The following EPS15 variants were observed in gnomAD, a reference collection of about 807,000 sequenced individuals.
EPS15 encodes epidermal growth factor receptor substrate 15.
Under a neutral mutation model 113.8 loss-of-function variants are expected in EPS15, and 72 were observed. The observed-to-expected ratio is 0.63, with a 90% CI of 0.52 to 0.77. The LOEUF (loss-of-function observed/expected upper bound fraction) is 0.77. Among genes scored for constraint, EPS15 ranks in the 30% least tolerant of loss-of-function variants. EPS15 has a pLI of 0.00. For synonymous variants in EPS15, 344 were observed against 363.4 expected, an observed-to-expected ratio of 0.95 and a Z score of 0.61; for missense variants, 1,048 against 1,045.8, an observed-to-expected ratio of 1.00 and a Z score of -0.03.
intron 21 of EPS15, among the ~76,000 whole-genome samples, chr1:51,368,519 C>CTATG (rs1646560882): frequency 6.6e-6 from 1 of 152,104 alleles, no homozygotes; most frequent in Non-Finnish European, 1.5e-5. Context: ...AATCCTCAGC[C>CTATG]TAGGGCCCAG....
chr1:51,506,823 G>C (rs1317865409), intron 1 of EPS15, among the ~76,000 whole-genome samples: 1 of 148,110 alleles, frequency 6.8e-6, no homozygotes, highest in Non-Finnish European at 1.5e-5. Flanking sequence ...AGAATGTAGA[G>C]AACAAACTAA....
At chr1:51,495,540 A>C (rs535618305) in intron 1 of EPS15, among the ~76,000 whole-genome samples, 33 of 152,162 alleles carry the variant, frequency 2.2e-4, no homozygotes, top group African/African-American at 7.5e-4. Flanking sequence ...TGCCCATACA[A>C]ATTTTTCAAA....
intron 21 of EPS15, chr1:51,372,557 A>T (rs769211746): frequency 1.9e-6 from 1 of 527,400 alleles, no homozygotes; most frequent in Non-Finnish European, 3.8e-6. Context: ...CACAGGCCCT[A>T]AACTACACAA....
intron 21 of EPS15, among the ~76,000 whole-genome samples, chr1:51,388,397 C>A (rs897005390): frequency 5.3e-5 from 8 of 152,104 alleles, no homozygotes; most frequent in Non-Finnish European, 1.2e-4. Flanking sequence ...ACCCTAACAT[C>A]ACAATTAAAA....
chr1:51,432,816 T>A (rs1267367855), intron 12 of EPS15, among the ~76,000 whole-genome samples: 2 of 152,166 alleles, frequency 1.3e-5, no homozygotes, highest in East Asian at 3.9e-4. Context: ...TTAGGCTGCC[T>A]CCTTACTATC....
At chr1:51,490,564 C>CAAAAAAAAA (rs60149665) in intron 1 of EPS15, among the ~76,000 whole-genome samples, 1 of 76,612 alleles carries the variant, frequency 1.3e-5, no homozygotes, top group Non-Finnish European at 2.6e-5. Context: ...GACTCCATCT[C>CAAAAAAAAA]AAAAAAAAAA....
intron 7 of EPS15, 131 bp from the exon 8 acceptor site, chr1:51,461,281 C>A (rs1443024284): frequency 3.1e-6 from 2 of 651,624 alleles, no homozygotes; most frequent in Non-Finnish European, 5.5e-6. Flanking sequence ...CTTTGAGAGG[C>A]CAAGGCAGGA....
chr1:51,453,108 CAT>C (rs575825313), intron 8 of EPS15, among the ~76,000 whole-genome samples: 50 of 152,306 alleles, frequency 3.3e-4, no homozygotes, highest in Admixed American at 2.7e-3. Context: ...ATCTGACTAA[CAT>C]ACACTTCCAA....
intron 1 of EPS15, among the ~76,000 whole-genome samples, chr1:51,487,908 G>T (rs577261100): frequency 6.6e-6 from 1 of 152,170 alleles, no homozygotes; most frequent in Non-Finnish European, 1.5e-5. Context: ...GGCTTTTGTT[G>T]TTATTGTCGG....
intron 6 of EPS15, 100 bp from the exon 7 acceptor site, chr1:51,463,898 T>C (rs1654658049): frequency 1.7e-6 from 1 of 573,444 alleles, no homozygotes; most frequent in East Asian, 2.9e-5. Context: ...CATATGTTTT[T>C]AAACTATCAT....
Position 51,465,444 on chromosome 1 carries a change from AG to A in EPS15, c.310-119del, listed in dbSNP as rs1364388220. ...CAAAATGCTGGATCTCAATGCACAC[AG>A]GACACTATTTTACATTTACTAGACC... On this transcript the variant is annotated intron_variant, in intron 5 of 24. Coordinates refer to ENST00000371733, the MANE Select transcript of EPS15 (RefSeq NM_001981.3). 4 of 578,376 alleles carry A rather than the reference AG, an allele frequency of 6.9e-6. No individual in the cohort carries two copies. The East Asian group carries it at 1.2e-4, about 17-fold the overall frequency. 35.8% of individuals were successfully genotyped at this position (578,376 alleles called of 1,614,324 possible).
At chr1:51,389,804 T>G (rs545712412) in intron 21 of EPS15, among the ~76,000 whole-genome samples, 1 of 152,246 alleles carries the variant, frequency 6.6e-6, no homozygotes, top group East Asian at 1.9e-4. Flanking sequence ...CACTGCTCAA[T>G]GAAATAAAAG....
At position 51,392,830 on chromosome 1, in the gene EPS15, T is replaced by C. The variant is rs190394313; in HGVS notation, c.2119+1551A>G. On this transcript the variant is annotated intron_variant, in intron 21 of 24. Transcript: ENST00000371733. The stretch of plus-strand genomic sequence containing the variant: ...CTGGTTTAATTAACTCTTATGGCAC[T>C]TACCATTTCCTTGGTGTGGGCAATC... Among the ~76,000 whole-genome samples the C allele has an allele frequency of 1.7e-3, 259 of 152,360 alleles. 1 individual carries two copies. Among genetic ancestry groups the C allele is most frequent in the African/African-American group, 5.8e-3 (241 of 41,594 alleles).
chr1:51,468,475 A>G lies in EPS15; in HGVS notation c.307T>C (p.Phe103Leu). 1.3e-6 allele frequency: 2 copies of G among 1,594,982 alleles called. No homozygotes were observed. Among genetic ancestry groups the G allele is most frequent in the East Asian group, 4.5e-5 (2 of 44,766 alleles). Residue 103 changes from phenylalanine (F) to leucine (L), a missense_variant and splice_region_variant, in exon 5 of 25, where the codon TTT becomes CTT. By Grantham distance (22) the Phe-to-Leu change is conservative (BLOSUM62 0). Coordinates refer to ENST00000371733, the MANE Select transcript of EPS15 (RefSeq NM_001981.3). ...TTAAATCTAAAAGCATTTCTTACAA[A>G]TCTTGGTGGAGGAACAGCCAGGTTC... Reference protein sequence around the residue: ...SLNLAVPPPRFHDTSSPLLIS... With the variant: ...SLNLAVPPPRLHDTSSPLLIS...
In EPS15 at chr1:51,463,771, T is replaced by C. The variant is rs1432188965; in HGVS notation, c.403A>G (p.Ile135Val). 1.9e-6 allele frequency: 3 copies of C among 1,601,906 alleles called. No homozygotes were observed. Among genetic ancestry groups the C allele is most frequent in the Admixed American group, 3.4e-5 (2 of 59,690 alleles). Residue 135 changes from isoleucine to valine, a missense_variant, in exon 7 of 25, where the codon ATA becomes GTA. Transcript: ENST00000371733. The stretch of plus-strand genomic sequence containing the variant: ...TTCACTGGGCTTAAACTATCAAATA[T>C]TGCATCATATTTGGCCTTATCTTCA... ...KPEDKAKYDA[I>V]FDSLSPVNGF...
chr1:51,400,064 A>T (rs1231894009), intron 19 of EPS15, among the ~76,000 whole-genome samples: 1 of 152,202 alleles, frequency 6.6e-6, no homozygotes. Context: ...AAACACAATA[A>T]AAACTTCTAA....
intron 1 of EPS15, among the ~76,000 whole-genome samples, chr1:51,490,630 C>T (rs1644216251): frequency 6.7e-6 from 1 of 150,312 alleles, no homozygotes; most frequent in Non-Finnish European, 1.5e-5. Flanking sequence ...AAACATAATG[C>T]CAATCTTTTC....
At position 51,446,945 on chromosome 1, in the gene EPS15, C is replaced by T; in HGVS notation, c.797+15G>A. On this transcript the variant is annotated intron_variant, in intron 10 of 24. Transcript: ENST00000371733. ...AAACCATATTTTTAAAAAATCAATT[C>T]AAATAAAGTCTTACCATATATGGGC... is the stretch of plus-strand genomic sequence containing the variant. 6.4e-7 allele frequency: 1 copy of T among 1,565,534 alleles called. No individual in the cohort carries two copies. Among genetic ancestry groups the T allele is most frequent in the Non-Finnish European group, 8.6e-7 (1 of 1,159,890 alleles).
chr1:51,438,830 C>G (rs1652361420), intron 12 of EPS15, among the ~76,000 whole-genome samples: 1 of 151,620 alleles, frequency 6.6e-6, no homozygotes, highest in Admixed American at 6.6e-5. Context: ...GTTTTGATAC[C>G]AATACTGTCT....
Sources: gnomAD v4.1 joint callset for allele counts (sites outside exome capture counted in the v4.1 genomes callset) on GRCh38, gnomAD v4.1.1 for gene constraint, MANE v1.5 for transcripts, NCBI Gene and HGNC (gene_info 2026-07-23, HGNC 2026-07-21) for gene names.